The following FAM13B variants were observed in gnomAD, a reference collection of about 807,000 sequenced individuals.
FAM13B encodes protein FAM13B.
In FAM13B, 60 loss-of-function variants were observed where a neutral mutation model predicts 117.3. The ratio of observed to expected loss-of-function variants is 0.51; its 90% confidence interval spans 0.42 to 0.63. The LOEUF (loss-of-function observed/expected upper bound fraction) is 0.63. Ranked by LOEUF, FAM13B falls within the 30% of genes least tolerant of loss-of-function variation. FAM13B has a pLI of 0.00. For missense variants in FAM13B, 972 were observed against 1,091.9 expected, an observed-to-expected ratio of 0.89 and a Z score of 1.55; for synonymous variants, 332 against 356.1, an observed-to-expected ratio of 0.93 and a Z score of 0.76.
At chr5:138,023,023 G>A (rs1787193779) in intron 1 of FAM13B, among the ~76,000 whole-genome samples, 1 of 151,880 alleles carries the variant, frequency 6.6e-6, no homozygotes, top group Non-Finnish European at 1.5e-5. Flanking sequence ...GTCTCATGTT[G>A]CCCAGGTTGG....
intron 1 of FAM13B, among the ~76,000 whole-genome samples, chr5:138,043,353 A>G (rs1434909009): frequency 6.6e-6 from 1 of 151,862 alleles, no homozygotes; most frequent in East Asian, 1.9e-4. Context: ...ACAGAGAGAG[A>G]CCCTGTCTCA....
intron 1 of FAM13B, among the ~76,000 whole-genome samples, chr5:138,044,863 G>A (rs942496138): frequency 3.3e-5 from 5 of 152,020 alleles, no homozygotes; most frequent in Admixed American, 2.0e-4. Flanking sequence ...AATCCAAATG[G>A]CCAACACATG....
intron 7 of FAM13B, among the ~76,000 whole-genome samples, chr5:138,000,006 G>A (rs1780815324): frequency 1.3e-5 from 2 of 152,000 alleles, no homozygotes. Flanking sequence ...AAATTCAAGA[G>A]GTTTGCAAAA....
intron 7 of FAM13B, among the ~76,000 whole-genome samples, chr5:137,990,679 T>C (rs1314367340): frequency 2.6e-5 from 4 of 152,010 alleles, no homozygotes; most frequent in African/African-American, 9.7e-5. Context: ...AGGAGCCAGG[T>C]GCCAGTGGCT....
rs147491303 is a variant in FAM13B at position 137,978,826 on chromosome 5, C to T, written c.1179+6431G>A. ...AGACAAAATGAGCCTCCACCACCAG[C>T]CACAGCTCAAGACCTGAACATCTGC... On this transcript the variant is annotated intron_variant, in intron 10 of 23. Coordinates refer to ENST00000689681, the MANE Select transcript of FAM13B (RefSeq NM_001385994.1). 5.4e-4 allele frequency among the ~76,000 whole-genome samples: 83 copies of T among 152,304 alleles called. No individual in the cohort carries two copies. The East Asian group carries it at 0.015, about 28-fold the overall frequency.
At chr5:137,948,180 C>A (rs1186043980) in intron 18 of FAM13B, among the ~76,000 whole-genome samples, 7 of 142,718 alleles carry the variant, frequency 4.9e-5, no homozygotes, top group African/African-American at 7.7e-5. Context: ...AATGGCTCTT[C>A]AAAAAAAAAA....
chr5:137,974,457 T>G (rs1216021830), intron 10 of FAM13B, among the ~76,000 whole-genome samples: 3 of 84,276 alleles, frequency 3.6e-5, no homozygotes, highest in East Asian at 7.6e-4. Context: ...TGGAGACTGT[T>G]GTGGGGTGGG....
chr5:137,996,437 C>A (rs892595648), intron 7 of FAM13B, among the ~76,000 whole-genome samples: 5 of 152,082 alleles, frequency 3.3e-5, no homozygotes, highest in Non-Finnish European at 7.4e-5. Context: ...CGGCGCCTGG[C>A]CAGAAACCAG....
chr5:137,944,401 G>C (rs1762820028), intron 20 of FAM13B, among the ~76,000 whole-genome samples: 1 of 152,086 alleles, frequency 6.6e-6, no homozygotes, highest in South Asian at 2.1e-4. Context: ...ATGAAATCAG[G>C]TGCCCATCAA....
chr5:138,034,995 C>CTTTTTTTTTTTTTTTTTTTTTTTTTTTT (rs557807234), upstream of FAM13B, among the ~76,000 whole-genome samples: 8 of 34,378 alleles, frequency 2.3e-4, 3 homozygotes, highest in Non-Finnish European at 2.9e-4. Flanking sequence ...ATTCCCTTGC[C>CTTTTTTTTTTTTTTTTTTTTTTTTTTTT]TTTTTTTTTT....
intron 10 of FAM13B, among the ~76,000 whole-genome samples, 169 bp from the exon 11 acceptor site, chr5:137,962,638 A>C (rs1169633235): frequency 6.6e-6 from 1 of 152,180 alleles, no homozygotes; most frequent in Non-Finnish European, 1.5e-5. Context: ...AGAGTAATTT[A>C]TCTTCCCTCA....
intron 9 of FAM13B, among the ~76,000 whole-genome samples, chr5:137,985,969 C>G (rs1022737275): frequency 2.0e-5 from 3 of 152,332 alleles, no homozygotes; most frequent in Admixed American, 6.5e-5. Context: ...TCCAAGAAAT[C>G]TGCTTACATC....
chr5:138,044,274 G>A (rs545407407), intron 1 of FAM13B, among the ~76,000 whole-genome samples: 35 of 152,058 alleles, frequency 2.3e-4, no homozygotes, highest in African/African-American at 7.5e-4. Context: ...ATAATAGGCC[G>A]GGCGCTGTGG....
intron 7 of FAM13B, among the ~76,000 whole-genome samples, chr5:137,995,348 C>T (rs1164160748): frequency 1.3e-5 from 2 of 152,104 alleles, no homozygotes; most frequent in Admixed American, 6.6e-5. Context: ...AATATATAAG[C>T]CTAATCCAAT....
chr5:138,018,970 A>T lies in FAM13B; in HGVS notation c.142T>A (p.Tyr48Asn). 6.2e-7 allele frequency: 1 copy of T among 1,614,008 alleles called. No homozygotes were observed. Among genetic ancestry groups the T allele is most frequent in the Non-Finnish European group, 8.5e-7 (1 of 1,179,874 alleles). ...VPFIVRHVVD[Y>N]IEEHGGLEQQ... ...AAATGTATACCATGTTCCTCAATAT[A>T]GTCCACAACGTGGCGGACTATGAAT... Residue 48 changes from tyrosine (Y) to asparagine (N), a missense_variant, in exon 3 of 24, where the codon TAT becomes AAT. Transcript: ENST00000689681.
chr5:138,026,742 C>G (rs189657726), intron 1 of FAM13B, among the ~76,000 whole-genome samples: 1 of 149,732 alleles, frequency 6.7e-6, no homozygotes, highest in Non-Finnish European at 1.5e-5. Context: ...GAGTTCAAGA[C>G]CAGCCTGGCC....
intron 10 of FAM13B, among the ~76,000 whole-genome samples, chr5:137,983,667 C>T (rs142827333): frequency 2.0e-5 from 3 of 152,278 alleles, no homozygotes; most frequent in African/African-American, 7.2e-5. Context: ...ATCTAATACA[C>T]CCAAGTCTGT....
Position 138,012,216 on chromosome 5 carries a change from CTT to C in FAM13B, c.371-273_371-272del, listed in dbSNP as rs36054299. On this transcript the variant is annotated intron_variant, in intron 4 of 23. Coordinates refer to ENST00000689681, the MANE Select transcript of FAM13B (RefSeq NM_001385994.1). ...TCTATTACTCATTGGCCCCAATTCT[CTT>C]TTTTTTTTTTTTTTTTTTTTAATTC... Among the ~76,000 whole-genome samples, 4 of 121,756 alleles carry C rather than the reference CTT, an allele frequency of 3.3e-5. 1 individual carries two copies. The highest frequency in any genetic ancestry group is 2.8e-4 in the Admixed American group (3 of 10,538). The allele number at this position is 121,756 out of a possible 152,430, so 79.9% of individuals were successfully genotyped here. A position where few individuals can be genotyped will look rare whatever the true frequency, so the allele number is the denominator to read the frequency against.
At chr5:138,034,828 A>G (rs1388761122), upstream of FAM13B, among the ~76,000 whole-genome samples, 2 of 151,998 alleles carry the variant, frequency 1.3e-5, no homozygotes, top group East Asian at 1.9e-4. Flanking sequence ...AAGCTTTATC[A>G]TAAGTGCGTA....
Sources: allele counts gnomAD v4.1 joint callset (sites outside exome capture counted in the v4.1 genomes callset), GRCh38; gene constraint gnomAD v4.1.1; transcripts MANE v1.5; gene names NCBI Gene and HGNC (gene_info 2026-07-23, HGNC 2026-07-21).